The following TRABD2B variants were observed in gnomAD, a reference collection of about 807,000 sequenced individuals.
The protein encoded by TRABD2B is TraB domain containing 2B.
In TRABD2B, 14 loss-of-function variants were observed where a neutral mutation model predicts 40.1. That is an observed-to-expected ratio of 0.35 (90% CI 0.23 to 0.55). The LOEUF (loss-of-function observed/expected upper bound fraction) is 0.55, where lower values mean the gene tolerates loss of function less well. TRABD2B is among the 20% of genes least tolerant of loss of function. TRABD2B has a pLI of 0.90. For synonymous variants in TRABD2B, 263 were observed against 277.0 expected, an observed-to-expected ratio of 0.95 and a Z score of 0.50; for missense variants, 541 against 648.6, an observed-to-expected ratio of 0.83 and a Z score of 1.80.
At chr1:47,878,684 A>T (rs1013466755) in intron 2 of TRABD2B, among the ~76,000 whole-genome samples, 2 of 152,242 alleles carry the variant, frequency 1.3e-5, no homozygotes, top group Non-Finnish European at 2.9e-5. Flanking sequence ...GGGCCAGGAG[A>T]GCAGGTGAGC....
chr1:47,790,746 G>A (rs950057512), intron 4 of TRABD2B, among the ~76,000 whole-genome samples: 1 of 152,214 alleles, frequency 6.6e-6, no homozygotes, highest in African/African-American at 2.4e-5. Flanking sequence ...TGCAAAATGA[G>A]TATCATTAAA....
chr1:47,885,580 G>C (rs960459314), intron 2 of TRABD2B, among the ~76,000 whole-genome samples: 1 of 152,156 alleles, frequency 6.6e-6, no homozygotes, highest in Non-Finnish European at 1.5e-5. Flanking sequence ...GAAGCAAGGG[G>C]AAGTTTCTTT....
At chr1:47,965,236 T>TGGGGGGGGGGGGGGGGGGGGGGGGGG (rs1645585082) in intron 2 of TRABD2B, among the ~76,000 whole-genome samples, 2 of 3,266 alleles carry the variant, frequency 6.1e-4, no homozygotes, top group African/African-American at 2.6e-3. Flanking sequence ...GGGGGGTGGA[T>TGGGGGGGGGGGGGGGGGGGGGGGGGG]GGGGAGGTGG....
intron 2 of TRABD2B, among the ~76,000 whole-genome samples, chr1:47,876,762 G>C (rs1005924123): frequency 6.6e-6 from 1 of 152,206 alleles, no homozygotes; most frequent in Non-Finnish European, 1.5e-5. Context: ...GACAGCAGCA[G>C]GCAGCACTCC....
chr1:47,950,576 G>A (rs1261923996), intron 2 of TRABD2B, among the ~76,000 whole-genome samples: 2 of 152,190 alleles, frequency 1.3e-5, no homozygotes, highest in East Asian at 1.9e-4. Flanking sequence ...GAAAACAGGG[G>A]CCAGGGGATG....
At position 47,937,364 on chromosome 1, in the gene TRABD2B, GATC is replaced by G. The variant is rs200782241; in HGVS notation, c.666+56667_666+56669del. ...TCATCATCATCACCACCACCGTCAT[GATC>G]ATCATCATCACCATCACCATCATAA... On this transcript the variant is annotated intron_variant, in intron 2 of 6. Coordinates refer to ENST00000606738, the MANE Select transcript of TRABD2B (RefSeq NM_001194986.2). Among the ~76,000 whole-genome samples the G allele has an allele frequency of 4.6e-3, 655 of 140,914 alleles. 6 individuals are homozygous for G. Among genetic ancestry groups the G allele is most frequent in the African/African-American group, 0.015 (576 of 37,460 alleles). The allele number at this position is 140,914 out of a possible 152,430, so 92.4% of individuals were successfully genotyped here.
rs536234362 is a variant in TRABD2B at position 47,996,689 on chromosome 1, G to A, written c.101C>T (p.Ser34Leu). 5 of 1,229,162 alleles carry A rather than the reference G, an allele frequency of 4.1e-6. No homozygotes were observed. In the South Asian group the frequency reaches 2.1e-4, roughly 50 times the overall value. The allele number at this position is 1,229,162 out of a possible 1,614,324, so 76.1% of individuals were successfully genotyped here. Reference protein sequence around the residue: ...PDGGQCRPPGSQRDLNSFLWT... With the variant: ...PDGGQCRPPGLQRDLNSFLWT... ...GTGGCCGGGCAGGCGCTCGCTCACCGATCCGGGCGGCCGGCACTGTCCTCC... is the reference window on the plus strand; with the variant it reads ...GTGGCCGGGCAGGCGCTCGCTCACCAATCCGGGCGGCCGGCACTGTCCTCC... The change falls in exon 1 of 7, where the codon TCG becomes TTG. Residue 34 changes from serine (S) to leucine (L), a missense_variant and splice_region_variant. By Grantham distance (145) the Ser-to-Leu change is moderately radical. Around this residue, in one of 2 missense-constraint regions of TRABD2B, gnomAD observed 369 missense variants for 492.8 expected, o/e 0.75. Transcript: ENST00000606738. This position sits in a 1 kb window ranked among gnomAD's most constrained non-coding sequence, Gnocchi z 4.6.
rs1044331949 is a variant in TRABD2B, at chr1:47,914,872, T to TG, written c.666+79161dup. On this transcript the variant is annotated intron_variant, in intron 2 of 6. Transcript: ENST00000606738. ...AAGGCACTGGCTTTAGGCTGAATGC[T>TG]GGGGGGGCAAGGATGAACCAGATAG... 3.5e-4 allele frequency among the ~76,000 whole-genome samples: 54 copies of TG among 152,252 alleles called. 1 individual carries two copies. Among genetic ancestry groups the TG allele is most frequent in the Middle Eastern group, 6.8e-3 (2 of 294 alleles).
intron 2 of TRABD2B, among the ~76,000 whole-genome samples, chr1:47,957,585 G>T (rs759744994): frequency 6.6e-6 from 1 of 152,128 alleles, no homozygotes; most frequent in Non-Finnish European, 1.5e-5. Context: ...TTCAGTAGCC[G>T]ATTCGATCAA....
At chr1:47,911,698 C>T (rs1338335673) in intron 2 of TRABD2B, among the ~76,000 whole-genome samples, 4 of 152,238 alleles carry the variant, frequency 2.6e-5, no homozygotes. Context: ...CGCAGGCCCT[C>T]GTCTCCTCTA....
At chr1:47,822,760 T>C (rs1275406542) in intron 2 of TRABD2B, among the ~76,000 whole-genome samples, 5 of 152,234 alleles carry the variant, frequency 3.3e-5, no homozygotes, top group African/African-American at 7.2e-5. Flanking sequence ...ATTTGTAGCA[T>C]TGCCCTTTCC....
In TRABD2B at chr1:47,997,270, G is replaced by A. The variant is rs967303764; in HGVS notation, c.-481C>T. On this transcript the variant is annotated 5_prime_UTR_variant, in exon 1 of 7. Coordinates refer to ENST00000606738, the MANE Select transcript of TRABD2B (RefSeq NM_001194986.2). ...GGCGGAAGGCGCGGCAGGGGTGGGG[G>A]GCGGCTCTGGGGCGACCGGCTGCCC... 2.8e-5 allele frequency: 27 copies of A among 966,118 alleles called. No homozygotes were observed. The African/African-American group carries it at 4.8e-4, about 17-fold the overall frequency. The allele number at this position is 966,118 out of a possible 1,614,324, so 59.8% of individuals were successfully genotyped here.
chr1:47,987,933 C>T (rs533999969), intron 2 of TRABD2B, among the ~76,000 whole-genome samples: 3 of 152,276 alleles, frequency 2.0e-5, no homozygotes, highest in South Asian at 2.1e-4. Flanking sequence ...TTTAATTCCA[C>T]GGTGATGGAG....
intron 2 of TRABD2B, among the ~76,000 whole-genome samples, chr1:47,939,591 G>A (rs756121899): frequency 2.6e-5 from 4 of 152,090 alleles, no homozygotes; most frequent in African/African-American, 4.8e-5. Context: ...GAAAAATTAC[G>A]GGAGCTTGAA....
intron 2 of TRABD2B, among the ~76,000 whole-genome samples, chr1:47,849,876 C>A (rs1038287169): frequency 6.6e-6 from 1 of 152,196 alleles, no homozygotes; most frequent in African/African-American, 2.4e-5. Flanking sequence ...CACTGCAGCC[C>A]AAAGTAGAAT....
chr1:47,863,319 AATAT>A (rs35095627), intron 2 of TRABD2B, among the ~76,000 whole-genome samples: 1 of 127,538 alleles, frequency 7.8e-6, no homozygotes, highest in Non-Finnish European at 1.7e-5. Context: ...GATAAATATA[AATAT>A]ATATATATAT....
At chr1:47,995,394 T>C (rs1384942248) in intron 1 of TRABD2B, among the ~76,000 whole-genome samples, 1 of 152,146 alleles carries the variant, frequency 6.6e-6, no homozygotes, top group Non-Finnish European at 1.5e-5. Context: ...AATGTACATA[T>C]TCTGGGTACT....
At chr1:47,869,363 G>C (rs1644107862) in intron 2 of TRABD2B, among the ~76,000 whole-genome samples, 1 of 152,220 alleles carries the variant, frequency 6.6e-6, no homozygotes, top group Admixed American at 6.5e-5. Flanking sequence ...TCCAGCAATA[G>C]GTCTGCAATG....
intron 2 of TRABD2B, among the ~76,000 whole-genome samples, chr1:47,982,398 A>C (rs72692196): frequency 0.16 from 23,659 of 152,164 alleles, 2,287 homozygotes; most frequent in East Asian, 0.26. Flanking sequence ...GCCTCACAAC[A>C]ACCCCAGGAG....
Sources: allele counts gnomAD v4.1 joint callset (sites outside exome capture counted in the v4.1 genomes callset), GRCh38; gene constraint gnomAD v4.1.1; regional missense constraint gnomAD v4.1.1; non-coding constraint Gnocchi (gnomAD v3.1); transcripts MANE v1.5; gene names NCBI Gene and HGNC (gene_info 2026-07-23, HGNC 2026-07-21).